CYP7B1: variants seen among roughly 807,000 people sequenced by gnomAD.
CYP7B1 encodes cytochrome P450 family 7 subfamily B member 1.
Under a neutral mutation model 42.7 loss-of-function variants are expected in CYP7B1, and 29 were observed. The observed-to-expected ratio is 0.68, with a 90% CI of 0.51 to 0.93. The LOEUF is 0.93. CYP7B1 is among the 40% of genes least tolerant of loss of function. The probability of loss-of-function intolerance (pLI) is 0.00; values close to 1 mark genes in which losing one functional copy is unlikely to be tolerated. For synonymous variants in CYP7B1, 235 were observed against 218.2 expected, an observed-to-expected ratio of 1.08 and a Z score of -0.68; for missense variants, 655 against 600.5, an observed-to-expected ratio of 1.09 and a Z score of -0.95.
intron 1 of CYP7B1, among the ~76,000 whole-genome samples, chr8:64,792,065 A>AG (rs1291105034): frequency 2.6e-5 from 4 of 152,226 alleles, no homozygotes; most frequent in African/African-American, 9.6e-5. Context: ...TGAAGAACTA[A>AG]GGAATGTGTT....
chr8:64,780,411 G>A (rs1804402090), intron 1 of CYP7B1, among the ~76,000 whole-genome samples: 1 of 151,972 alleles, frequency 6.6e-6, no homozygotes, highest in African/African-American at 2.4e-5. Context: ...GAAGTTATGA[G>A]GAGAAATGAC....
At chr8:64,757,669 C>G (rs1011219675) in intron 1 of CYP7B1, among the ~76,000 whole-genome samples, 1 of 152,240 alleles carries the variant, frequency 6.6e-6, no homozygotes, top group Non-Finnish European at 1.5e-5. Context: ...ACCAGCTTCA[C>G]TCAGGTGCAA....
At chr8:64,727,009 A>G (rs13258167) in intron 1 of CYP7B1, among the ~76,000 whole-genome samples, 43,841 of 152,056 alleles carry the variant, frequency 0.29, 7,557 homozygotes, top group African/African-American at 0.48. Context: ...ATGAAGGAGC[A>G]TGAACCTGCA....
intron 1 of CYP7B1, among the ~76,000 whole-genome samples, chr8:64,741,041 A>G (rs1390308874): frequency 6.6e-6 from 1 of 152,058 alleles, no homozygotes; most frequent in Non-Finnish European, 1.5e-5. Flanking sequence ...AGAGAGAGTG[A>G]CAGACCAATG....
chr8:64,792,189 G>A (rs904532860), intron 1 of CYP7B1, among the ~76,000 whole-genome samples: 1 of 152,076 alleles, frequency 6.6e-6, no homozygotes, highest in Non-Finnish European at 1.5e-5. Context: ...TAGATATTTA[G>A]CTGAGGAGAT....
chr8:64,660,864 G>C (rs1199260509), intron 1 of CYP7B1, among the ~76,000 whole-genome samples: 1 of 152,202 alleles, frequency 6.6e-6, no homozygotes, highest in Non-Finnish European at 1.5e-5. Context: ...GAATGAGGGA[G>C]TGGGTAATTG....
At chr8:64,667,878 G>A (rs1481885399) in intron 1 of CYP7B1, among the ~76,000 whole-genome samples, 4 of 152,124 alleles carry the variant, frequency 2.6e-5, no homozygotes, top group South Asian at 2.1e-4. Context: ...CATAGTAGGC[G>A]TTCTTGAGTG....
intron 1 of CYP7B1, among the ~76,000 whole-genome samples, chr8:64,782,054 C>T (rs1040775785): frequency 2.0e-5 from 3 of 152,134 alleles, no homozygotes; most frequent in African/African-American, 7.2e-5. Flanking sequence ...CCCTTACCAT[C>T]CTCTCAAAAG....
chr8:64,678,777 T>C (rs1806489383), intron 1 of CYP7B1, among the ~76,000 whole-genome samples: 1 of 152,138 alleles, frequency 6.6e-6, no homozygotes, highest in South Asian at 2.1e-4. Flanking sequence ...ATGTTTCAGA[T>C]GGGATCCTAT....
Position 64,632,005 on chromosome 8 carries a change from T to C in CYP7B1, c.123-7466A>G, listed in dbSNP as rs1805704114. Among the ~76,000 whole-genome samples, 3 of 152,138 alleles carry C rather than the reference T, an allele frequency of 2.0e-5. No homozygotes were observed. In the South Asian group the frequency reaches 6.2e-4, roughly 31 times the overall value. ...GGTGCAGCTGCTATGAAGAACAGTA[T>C]GAAGCTTCTTCAAGAAATTAAAAAT... On this transcript the variant is annotated intron_variant, in intron 1 of 5. Coordinates refer to ENST00000310193, the MANE Select transcript of CYP7B1 (RefSeq NM_004820.5).
intron 1 of CYP7B1, among the ~76,000 whole-genome samples, chr8:64,774,993 A>G (rs1804300179): frequency 6.6e-6 from 1 of 152,132 alleles, no homozygotes; most frequent in Non-Finnish European, 1.5e-5. Context: ...ATAAATATAG[A>G]TGGTCAAATA....
intron 1 of CYP7B1, among the ~76,000 whole-genome samples, chr8:64,629,178 G>C (rs950125163): frequency 1.2e-4 from 17 of 141,442 alleles, no homozygotes; most frequent in African/African-American, 4.5e-4. Flanking sequence ...AGTGAGCTGA[G>C]ACTGTGCCAT....
intron 2 of CYP7B1, among the ~76,000 whole-genome samples, chr8:64,624,097 CT>C (rs777994192): frequency 2.0e-5 from 3 of 151,862 alleles, no homozygotes; most frequent in African/African-American, 7.3e-5. Context: ...TACATTCTAG[CT>C]TTTGTATAGT....
chr8:64,602,234 A>G (rs1805214563), intron 5 of CYP7B1, among the ~76,000 whole-genome samples: 1 of 152,206 alleles, frequency 6.6e-6, no homozygotes, highest in Non-Finnish European at 1.5e-5. Context: ...AACACAGGCC[A>G]CAGTGTGAGC....
At chr8:64,650,981 C>T (rs73239504) in intron 1 of CYP7B1, among the ~76,000 whole-genome samples, 7,959 of 152,200 alleles carry the variant, frequency 0.052, 776 homozygotes, top group African/African-American at 0.18. Flanking sequence ...ATAAAATGTA[C>T]TTGCAAGTGC....
At chr8:64,670,165 G>A (rs1806343470) in intron 1 of CYP7B1, among the ~76,000 whole-genome samples, 1 of 152,178 alleles carries the variant, frequency 6.6e-6, no homozygotes, top group African/African-American at 2.4e-5. Flanking sequence ...TGGCCTCTCT[G>A]TAACACTTGG....
downstream of CYP7B1, among the ~76,000 whole-genome samples, chr8:64,590,493 A>T (rs1334748881): frequency 6.6e-6 from 1 of 151,064 alleles, no homozygotes; most frequent in Non-Finnish European, 1.5e-5. Flanking sequence ...CCTGCTGAAA[A>T]CTCTCTCCCA....
At chr8:64,633,438 A>T (rs183753032) in intron 1 of CYP7B1, among the ~76,000 whole-genome samples, 2 of 152,332 alleles carry the variant, frequency 1.3e-5, no homozygotes, top group Admixed American at 1.3e-4. Flanking sequence ...ACAAAAGTCA[A>T]TTGCTTTGTT....
At chr8:64,679,722 T>C (rs1462862961) in intron 1 of CYP7B1, among the ~76,000 whole-genome samples, 2 of 152,170 alleles carry the variant, frequency 1.3e-5, no homozygotes, top group African/African-American at 2.4e-5. Context: ...AACTGCTTTA[T>C]TGAAATATGA....
Sources: gnomAD v4.1 joint callset for allele counts (sites outside exome capture counted in the v4.1 genomes callset) on GRCh38, gnomAD v4.1.1 for gene constraint, MANE v1.5 for transcripts, NCBI Gene and HGNC (gene_info 2026-07-23, HGNC 2026-07-21) for gene names.